PDE3A: variants seen among roughly 807,000 people sequenced by gnomAD.
PDE3A encodes phosphodiesterase 3A, also known as cGMP-inhibited 3',5'-cyclic phosphodiesterase 3A.
Under a neutral mutation model 98.3 loss-of-function variants are expected in PDE3A, and 43 were observed. The ratio of observed to expected loss-of-function variants is 0.44; its 90% CI spans 0.34 to 0.56. PDE3A has a LOEUF of 0.56. Ranked by LOEUF, PDE3A falls within the 20% of genes least tolerant of loss-of-function variation. The pLI is 0.01. For synonymous variants in PDE3A, 663 were observed against 567.9 expected (o/e 1.17, Z -2.38); for missense variants, 1,427 against 1,440.7 (o/e 0.99, Z 0.15).
chr12:20,674,695 A>T (rs1018567578), intron 15 of PDE3A, among the ~76,000 whole-genome samples: 3 of 152,048 alleles, frequency 2.0e-5, no homozygotes, highest in Non-Finnish European at 4.4e-5. Context: ...TGTGTCCAGG[A>T]ATTTATCCAT....
chr12:20,416,868 G>T (rs5014040), intron 1 of PDE3A, among the ~76,000 whole-genome samples: 93,851 of 151,836 alleles, frequency 0.62, 30,738 homozygotes, highest in East Asian at 0.88. Flanking sequence ...CAGATACTTT[G>T]TATAGCTGTA....
intron 2 of PDE3A, among the ~76,000 whole-genome samples, chr12:20,576,914 T>G (rs1198283316): frequency 2.1e-5 from 3 of 142,382 alleles, no homozygotes; most frequent in African/African-American, 7.8e-5. Context: ...AAAGGATAAG[T>G]TGGAAACATG....
At chr12:20,447,886 G>T (rs1565552428) in intron 1 of PDE3A, among the ~76,000 whole-genome samples, 1 of 152,154 alleles carries the variant, frequency 6.6e-6, no homozygotes. Context: ...ACTGAGGGGT[G>T]ATGCTATGTC....
At chr12:20,491,966 C>G (rs1945832863) in intron 1 of PDE3A, among the ~76,000 whole-genome samples, 4 of 150,866 alleles carry the variant, frequency 2.7e-5, no homozygotes, top group South Asian at 4.3e-4. Context: ...GAGAAAATTC[C>G]TGACGATAAT....
chr12:20,636,661 T>A (rs545476544), intron 8 of PDE3A, among the ~76,000 whole-genome samples: 1 of 152,270 alleles, frequency 6.6e-6, no homozygotes, highest in African/African-American at 2.4e-5. Flanking sequence ...ATGGATTTCT[T>A]TTGAGAGCTT....
intron 4 of PDE3A, among the ~76,000 whole-genome samples, chr12:20,620,041 C>T (rs1157158981): frequency 2.6e-5 from 4 of 152,028 alleles, no homozygotes; most frequent in South Asian, 2.1e-4. Flanking sequence ...CTTTATTCCA[C>T]ATTAGCACAT....
chr12:20,508,415 G>GTT (rs76021385), intron 1 of PDE3A, among the ~76,000 whole-genome samples: 2 of 137,746 alleles, frequency 1.5e-5, no homozygotes, highest in African/African-American at 5.3e-5. Flanking sequence ...TACCTGGTTT[G>GTT]TTTTTTTTTT....
intron 10 of PDE3A, among the ~76,000 whole-genome samples, chr12:20,643,720 T>G (rs1193837178): frequency 6.6e-6 from 1 of 152,316 alleles, no homozygotes; most frequent in South Asian, 2.1e-4. Context: ...TAAATCAAGA[T>G]TGTACCAGCC....
chr12:20,646,385 A>G (rs1592143607), intron 10 of PDE3A, 105 bp from the exon 11 acceptor site: 1 of 659,382 alleles, frequency 1.5e-6, no homozygotes, highest in Non-Finnish European at 2.7e-6. Flanking sequence ...CTTTCATGGA[A>G]ATAGTAAAAT....
Position 20,369,488 on chromosome 12 carries a change from C to A in PDE3A, c.204C>A (p.Gly68=). 1 of 1,557,056 alleles carries A rather than the reference C, an allele frequency of 6.4e-7. No homozygotes were observed. The highest frequency in any genetic ancestry group is 1.2e-5 in the South Asian group (1 of 84,528). ...AACTTTCCTCCGCGCTGTGCGCGGG[C>A]TCCCTGTCCTTTCTGCTGGCGCTGC... is the stretch of plus-strand genomic sequence containing the variant. ...SRKLSSALCA[G]SLSFLLALLV... Residue 68 remains glycine, a synonymous_variant, in exon 1 of 16, where the codon GGC becomes GGA. Transcript: ENST00000359062.
intron 1 of PDE3A, among the ~76,000 whole-genome samples, chr12:20,406,465 C>G (rs1488056055): frequency 2.0e-5 from 3 of 152,074 alleles, no homozygotes; most frequent in Non-Finnish European, 4.4e-5. Context: ...ATTTGCATTC[C>G]CCGGATGATT....
intron 1 of PDE3A, 77 bp downstream of exon 1, chr12:20,370,321 G>A (rs1430774694): frequency 2.3e-6 from 3 of 1,302,604 alleles, no homozygotes; most frequent in Non-Finnish European, 3.1e-6. Flanking sequence ...GAGAGAATCC[G>A]AGCGCTGGGA....
At position 20,680,486 on chromosome 12, in the gene PDE3A, T is replaced by C. The variant is rs1243525426; in HGVS notation, c.*215T>C. On this transcript the variant is annotated 3_prime_UTR_variant, in exon 16 of 16. Transcript: ENST00000359062. ...GAAGCTTTCACATTGCAACACCAGCTTCTAAGGATTTTTTAAGGAGGGAAT... is the reference window on the plus strand; with the variant it reads ...GAAGCTTTCACATTGCAACACCAGCCTCTAAGGATTTTTTAAGGAGGGAAT... 12 of 533,568 alleles carry C rather than the reference T, an allele frequency of 2.2e-5. No homozygotes were observed. In the South Asian group the frequency reaches 2.4e-4, roughly 11 times the overall value. The allele number at this position is 533,568 out of a possible 1,614,324, so 33.1% of individuals were successfully genotyped here. A position where few individuals can be genotyped will look rare whatever the true frequency, so the allele number is the denominator to read the frequency against.
At chr12:20,598,879 C>T (rs545148233) in intron 2 of PDE3A, among the ~76,000 whole-genome samples, 11 of 152,220 alleles carry the variant, frequency 7.2e-5, no homozygotes, top group African/African-American at 2.6e-4. Flanking sequence ...CCTTGTTTCC[C>T]ATGTTTATTG....
Position 20,552,102 on chromosome 12 carries a change from G to A in PDE3A, c.961-4558G>A, listed in dbSNP as rs1030180245. ...GTCGAGAGCTTTCCGGCAACAAGAG[G>A]ACCGCGGAACAGTCTTGTGATCAGA... On this transcript the variant is annotated intron_variant, in intron 1 of 15. Transcript: ENST00000359062. The surrounding 1 kb of genome is among the most constrained non-coding windows in gnomAD (Gnocchi z 5.1). 3.7e-6 allele frequency: 6 copies of A among 1,612,892 alleles called. No homozygotes were observed. In the African/African-American group the frequency reaches 8.0e-5, roughly 22 times the overall value.
chr12:20,419,742 T>TC, intron 1 of PDE3A, among the ~76,000 whole-genome samples: 1 of 147,492 alleles, frequency 6.8e-6, no homozygotes, highest in Non-Finnish European at 1.5e-5. Context: ...TATTGTATTT[T>TC]TTTTTTTTTT....
At position 20,684,955 on chromosome 12, in the gene PDE3A, G is replaced by A. The variant is rs973037548; in HGVS notation, c.*4684G>A. 6.6e-6 allele frequency among the ~76,000 whole-genome samples: 1 copy of A among 152,196 alleles called. No homozygotes were observed. The highest frequency in any genetic ancestry group is 6.5e-5 in the Admixed American group (1 of 15,282). Reference sequence around the variant, plus strand: ...TAACATATTTTCCAGTCTATGTTATGCACCATGGATGTTAGGCAATGTGTG... The same window carrying A: ...TAACATATTTTCCAGTCTATGTTATACACCATGGATGTTAGGCAATGTGTG... On this transcript the variant is annotated 3_prime_UTR_variant, in exon 16 of 16. Coordinates refer to ENST00000359062, the MANE Select transcript of PDE3A (RefSeq NM_000921.5).
In PDE3A at chr12:20,629,928, CCT is replaced by C; in HGVS notation, c.1564_1565del (p.Leu522PhefsTer30). 6.2e-7 allele frequency: 1 copy of C among 1,613,882 alleles called. No individual in the cohort carries two copies. Among genetic ancestry groups the C allele is most frequent in the Non-Finnish European group, 8.5e-7 (1 of 1,179,814 alleles). ...CTCAGGTGCCCTCGCTAAAATTTCA[CCT>C]CTTTCATCGCCCTGCTCCTCACCTC... ...SRPGALAKIS[P>X]LSSPCSSPLQ... is the part of the protein sequence containing the mutation. On this transcript the variant is annotated frameshift_variant, in exon 6 of 16. Transcript: ENST00000359062. LOFTEE classifies it high-confidence loss of function.
chr12:20,559,670 CA>C lies in PDE3A; in HGVS notation c.1011+2971del, dbSNP rs147667067. Among the ~76,000 whole-genome samples, 1,289 of 137,604 alleles carry C rather than the reference CA, an allele frequency of 9.4e-3. 9 individuals are homozygous for C. Among genetic ancestry groups the C allele is most frequent in the Non-Finnish European group, 0.014 (886 of 63,438 alleles). The allele number at this position is 137,604 out of a possible 152,430, so 90.3% of individuals were successfully genotyped here. On this transcript the variant is annotated intron_variant, in intron 2 of 15. Transcript: ENST00000359062. ...TGGGCAACAGAACGAGACCCCATAT[CA>C]AAAAAAAAAAGACTGCATATATACA... is the stretch of plus-strand genomic sequence containing the variant.
Sources: gnomAD v4.1 joint callset for allele counts (sites outside exome capture counted in the v4.1 genomes callset) on GRCh38, gnomAD v4.1.1 for gene constraint, Gnocchi (gnomAD v3.1) non-coding constraint, MANE v1.5 for transcripts, NCBI Gene and HGNC (gene_info 2026-07-23, HGNC 2026-07-21) for gene names.